Variants in SHROOM3 observed in about 807,000 individuals in gnomAD.
SHROOM3 encodes the protein protein Shroom3.
A neutral mutation model predicts 138.6 loss-of-function variants in SHROOM3; 47 were observed. That is an observed-to-expected ratio of 0.34 (90% confidence interval 0.27 to 0.43). The LOEUF (loss-of-function observed/expected upper bound fraction) is 0.43, where lower values mean the gene tolerates loss of function less well. SHROOM3 is among the 20% of genes least tolerant of loss of function. SHROOM3 has a pLI of 1.00. For synonymous variants in SHROOM3, 1,062 were observed against 1,063.3 expected, an observed-to-expected ratio of 1.00 and a Z score of 0.02; for missense variants, 2,491 against 2,596.5, an observed-to-expected ratio of 0.96 and a Z score of 0.88.
rs1385419138 is a variant in SHROOM3, at chr4:76,738,865, C to T, written c.692C>T (p.Ala231Val). The T allele has an allele frequency of 6.8e-6, 11 of 1,614,126 alleles. No homozygotes were observed. Among genetic ancestry groups the T allele is most frequent in the Non-Finnish European group, 8.5e-6 (10 of 1,180,048 alleles). The change falls in exon 5 of 11, where the codon GCA (alanine) becomes GTA (valine). Residue 231 changes from alanine (A) to valine (V), a missense_variant. Physicochemically the swap from Ala to Val is moderately conservative, Grantham distance 64. Coordinates refer to ENST00000296043, the MANE Select transcript of SHROOM3 (RefSeq NM_020859.4). ...GSMESLEPSG[A>V]YPPCHLSPAK... ...ATGGAGAGCCTGGAGCCCAGTGGGG[C>T]ATACCCACCCTGTCATCTTTCCCCT...
intron 2 of SHROOM3, among the ~76,000 whole-genome samples, chr4:76,651,718 C>T (rs1304504447): frequency 6.6e-6 from 1 of 152,038 alleles, no homozygotes; most frequent in African/African-American, 2.4e-5. Context: ...ATTGTCCAAG[C>T]CAAAGAGCAT....
chr4:76,459,757 C>T (rs1212718295), intron 1 of SHROOM3, among the ~76,000 whole-genome samples: 2 of 152,054 alleles, frequency 1.3e-5, no homozygotes, highest in Non-Finnish European at 2.9e-5. Context: ...TTACAACAGT[C>T]CAGAAAATGC....
intron 1 of SHROOM3, among the ~76,000 whole-genome samples, chr4:76,542,477 T>C (rs1056217708): frequency 6.6e-6 from 1 of 152,208 alleles, no homozygotes; most frequent in Non-Finnish European, 1.5e-5. Flanking sequence ...GATTATCTTA[T>C]TGGGCCAAAT....
rs1036352610 is a variant in SHROOM3 at position 76,459,517 on chromosome 4, T to TG, written c.168+23298dup. ...GGAGCTTTTTATTCAGTCTTCGATT[T>TG]GCCGTCAGGCCTCATTCACGAAACA... On this transcript the variant is annotated intron_variant, in intron 1 of 10. Coordinates refer to ENST00000296043, the MANE Select transcript of SHROOM3 (RefSeq NM_020859.4). 2.6e-4 allele frequency among the ~76,000 whole-genome samples: 40 copies of TG among 152,132 alleles called. 1 individual carries two copies. The highest frequency in any genetic ancestry group is 7.3e-5 in the Non-Finnish European group (5 of 68,044).
At chr4:76,558,902 G>T (rs1733542401) in intron 2 of SHROOM3, among the ~76,000 whole-genome samples, 1 of 152,166 alleles carries the variant, frequency 6.6e-6, no homozygotes, top group Non-Finnish European at 1.5e-5. Context: ...ATAGGGGCTT[G>T]GCTGCCAGGC....
In SHROOM3 at chr4:76,756,625, G is replaced by T. The variant is rs534313106; in HGVS notation, c.4886G>T (p.Gly1629Val). Residue 1629 changes from glycine to valine, a missense_variant, in exon 8 of 11, where the codon GGT becomes GTT. By Grantham distance (109) the Gly-to-Val change is moderately radical. Coordinates refer to ENST00000296043, the MANE Select transcript of SHROOM3 (RefSeq NM_020859.4). ...CACGCCCAACTTGCTGGGTCTCTTGGTGGGCAGCCAGCACCCATCCAGACT... is the reference window on the plus strand; with the variant it reads ...CACGCCCAACTTGCTGGGTCTCTTGTTGGGCAGCCAGCACCCATCCAGACT... The part of the protein sequence containing the change: ...SVHAQLAGSL[G>V]GQPAPIQTQS... The T allele has an allele frequency of 2.5e-6, 4 of 1,613,938 alleles. No homozygotes were observed. In the South Asian group the frequency reaches 4.4e-5, roughly 18 times the overall value.
In SHROOM3 at chr4:76,451,717, T is replaced by G. The variant is rs1268638086; in HGVS notation, c.168+15497T>G. On this transcript the variant is annotated intron_variant, in intron 1 of 10. Coordinates refer to ENST00000296043, the MANE Select transcript of SHROOM3 (RefSeq NM_020859.4). ...CATGCCTTAAATAAAATCTGATACC[T>G]TAAATAAAGTGAGAGACAGGAAGAA... is the stretch of plus-strand genomic sequence containing the variant. Among the ~76,000 whole-genome samples the G allele has an allele frequency of 6.6e-5, 10 of 152,296 alleles. No homozygotes were observed. The South Asian group carries it at 1.4e-3, about 22-fold the overall frequency.
At chr4:76,774,418 A>G (rs1329010220) in intron 10 of SHROOM3, among the ~76,000 whole-genome samples, 1 of 152,110 alleles carries the variant, frequency 6.6e-6, no homozygotes, top group Non-Finnish European at 1.5e-5. Context: ...ATAGTTACCA[A>G]ATGGGGAGTA....
In SHROOM3 at chr4:76,755,063, C is replaced by T. The variant is rs762477123; in HGVS notation, c.4580C>T (p.Pro1527Leu). 18 of 1,597,560 alleles carry T rather than the reference C, an allele frequency of 1.1e-5. No individual in the cohort carries two copies. Among genetic ancestry groups the T allele is most frequent in the South Asian group, 9.0e-5 (8 of 89,052 alleles). The change falls in exon 7 of 11, where the codon CCC becomes CTC. Residue 1527 changes from proline to leucine, a missense_variant. Pro to Leu is a moderately conservative substitution (Grantham distance 98). Coordinates refer to ENST00000296043, the MANE Select transcript of SHROOM3 (RefSeq NM_020859.4). Reference sequence around the variant, plus strand: ...TCCAGCCCCACATTTGAACCTCTTCCCCCACCCCCACCTCCTCCACCGAGT... The same window carrying T: ...TCCAGCCCCACATTTGAACCTCTTCTCCCACCCCCACCTCCTCCACCGAGT... ...ATSSPTFEPL[P>L]PPPPPPPSQE...
intron 2 of SHROOM3, among the ~76,000 whole-genome samples, chr4:76,690,518 A>G (rs1719495966): frequency 6.6e-6 from 1 of 152,224 alleles, no homozygotes; most frequent in South Asian, 2.1e-4. Context: ...AAGTCCTAGC[A>G]CAGAGGCTGC....
intron 1 of SHROOM3, among the ~76,000 whole-genome samples, chr4:76,532,033 A>C (rs1348658536): frequency 5.4e-5 from 8 of 147,398 alleles, no homozygotes; most frequent in Admixed American, 5.4e-4. Context: ...CATTAGGTAT[A>C]TCTCCTAATG....
chr4:76,655,733 G>A lies in SHROOM3; in HGVS notation c.324-54423G>A, dbSNP rs1009289535. ...TAAGCCTGTCTGACAGCAGTGACAG[G>A]TCTCATCGTCAGAAATTTCAAGAAT... On this transcript the variant is annotated intron_variant, in intron 2 of 10. Coordinates refer to ENST00000296043, the MANE Select transcript of SHROOM3 (RefSeq NM_020859.4). 2.0e-5 allele frequency among the ~76,000 whole-genome samples: 3 copies of A among 152,144 alleles called. No individual in the cohort carries two copies. In the South Asian group the frequency reaches 6.2e-4, roughly 32 times the overall value.
chr4:76,644,765 T>A (rs535630047), intron 2 of SHROOM3, among the ~76,000 whole-genome samples: 9 of 152,326 alleles, frequency 5.9e-5, no homozygotes, highest in Non-Finnish European at 1.3e-4. Context: ...TTCATCTGGA[T>A]TCACGTTCTT....
intron 2 of SHROOM3, among the ~76,000 whole-genome samples, chr4:76,592,875 A>T (rs1384254838): frequency 1.3e-5 from 2 of 152,196 alleles, no homozygotes; most frequent in Non-Finnish European, 2.9e-5. Flanking sequence ...ATAAGGAGTC[A>T]ATGTGCTTTT....
At chr4:76,677,859 G>A (rs887293759) in intron 2 of SHROOM3, among the ~76,000 whole-genome samples, 5 of 152,194 alleles carry the variant, frequency 3.3e-5, no homozygotes, top group African/African-American at 1.2e-4. Context: ...CACCTACGGG[G>A]AGAAAGTTGT....
chr4:76,603,503 A>G lies in SHROOM3; in HGVS notation c.323+47740A>G, dbSNP rs1001989480. ...TAACAGGACATCTATTGATTGATTT[A>G]TGATCAAAGCCTCTGACTTTCTATG... On this transcript the variant is annotated intron_variant, in intron 2 of 10. Coordinates refer to ENST00000296043, the MANE Select transcript of SHROOM3 (RefSeq NM_020859.4). Among the ~76,000 whole-genome samples the G allele has an allele frequency of 2.6e-5, 4 of 152,198 alleles. No homozygotes were observed. In the East Asian group the frequency reaches 7.7e-4, roughly 29 times the overall value.
At chr4:76,526,957 A>G (rs956500801) in intron 1 of SHROOM3, among the ~76,000 whole-genome samples, 1 of 152,170 alleles carries the variant, frequency 6.6e-6, no homozygotes, top group Non-Finnish European at 1.5e-5. Flanking sequence ...TCCCTGAACA[A>G]TGGTAGCATA....
intron 1 of SHROOM3, among the ~76,000 whole-genome samples, chr4:76,492,013 G>A (rs554055748): frequency 1.3e-5 from 2 of 152,194 alleles, no homozygotes; most frequent in African/African-American, 4.8e-5. Flanking sequence ...TTTAACAAAA[G>A]TCTGTAAAGG....
chr4:76,707,155 A>G (rs894567860), intron 2 of SHROOM3, among the ~76,000 whole-genome samples: 3 of 152,206 alleles, frequency 2.0e-5, no homozygotes, highest in African/African-American at 7.2e-5. Flanking sequence ...ATTTGGTAAT[A>G]TGTTTAGTTA....
Sources: gnomAD v4.1 joint callset for allele counts (sites outside exome capture counted in the v4.1 genomes callset) on GRCh38, gnomAD v4.1.1 for gene constraint, MANE v1.5 for transcripts, NCBI Gene and HGNC (gene_info 2026-07-23, HGNC 2026-07-21) for gene names.